The following GABRB1 variants were observed in gnomAD, a reference collection of about 807,000 sequenced individuals.
GABRB1 encodes the protein gamma-aminobutyric acid receptor subunit beta-1.
GABRB1 carries 17 observed loss-of-function variants against 51.6 expected under a neutral mutation model. That is an observed-to-expected ratio of 0.33 (90% CI 0.23 to 0.49). The LOEUF is 0.49. Ranked by LOEUF, GABRB1 falls within the 20% of genes least tolerant of loss-of-function variation. The pLI, the probability that GABRB1 is intolerant of heterozygous loss-of-function variation, is 0.99. For synonymous variants in GABRB1, 247 were observed against 218.9 expected (o/e 1.13, Z -1.14); for missense variants, 410 against 600.6 (o/e 0.68, Z 3.32).
chr4:47,074,878 G>C (rs1020028071), intron 3 of GABRB1, among the ~76,000 whole-genome samples: 17 of 152,142 alleles, frequency 1.1e-4, no homozygotes, highest in Non-Finnish European at 1.5e-5. Flanking sequence ...TGGCAGATGG[G>C]GTACTAGGCA....
intron 4 of GABRB1, among the ~76,000 whole-genome samples, chr4:47,222,036 G>A (rs572619818): frequency 1.3e-5 from 2 of 152,018 alleles, no homozygotes; most frequent in Middle Eastern, 3.2e-3. Context: ...AATTACGAAT[G>A]ATAATGCAAA....
intron 5 of GABRB1, among the ~76,000 whole-genome samples, chr4:47,377,113 G>A (rs144492341): frequency 6.6e-6 from 1 of 152,280 alleles, no homozygotes; most frequent in African/African-American, 2.4e-5. Flanking sequence ...GAACATAGTA[G>A]ATACGCAGTG....
chr4:47,105,588 C>T (rs919442347), intron 3 of GABRB1, among the ~76,000 whole-genome samples: 1 of 152,094 alleles, frequency 6.6e-6, no homozygotes, highest in Non-Finnish European at 1.5e-5. Context: ...TTTCTTTTCC[C>T]TTTCTCCTGC....
intron 4 of GABRB1, among the ~76,000 whole-genome samples, chr4:47,266,251 C>T (rs986461900): frequency 6.6e-6 from 1 of 152,042 alleles, no homozygotes; most frequent in Non-Finnish European, 1.5e-5. Flanking sequence ...GGTTGTAGCT[C>T]TGTAGCATTA....
chr4:47,176,578 A>G (rs1229754695), intron 4 of GABRB1, among the ~76,000 whole-genome samples: 3 of 152,106 alleles, frequency 2.0e-5, no homozygotes, highest in Non-Finnish European at 2.9e-5. Flanking sequence ...CAGTTGCAGA[A>G]GTTTGAGGTC....
intron 3 of GABRB1, among the ~76,000 whole-genome samples, chr4:47,038,210 CTGAG>C (rs1725682129): frequency 6.6e-6 from 1 of 152,184 alleles, no homozygotes; most frequent in Non-Finnish European, 1.5e-5. Context: ...TGAGTTCCCA[CTGAG>C]TGCAAATGAT....
At chr4:47,382,663 C>T (rs1239867247) in intron 5 of GABRB1, among the ~76,000 whole-genome samples, 1 of 152,146 alleles carries the variant, frequency 6.6e-6, no homozygotes, top group Non-Finnish European at 1.5e-5. Context: ...AAAGTATCAT[C>T]ACTGCTTTTC....
chr4:47,022,816 T>A (rs915897240), intron 1 of GABRB1, among the ~76,000 whole-genome samples: 3 of 152,094 alleles, frequency 2.0e-5, no homozygotes, highest in Non-Finnish European at 4.4e-5. Flanking sequence ...GCAATCCCAT[T>A]GCTAGGTATT....
chr4:47,063,005 A>G (rs955036822), intron 3 of GABRB1, among the ~76,000 whole-genome samples: 8 of 152,186 alleles, frequency 5.3e-5, no homozygotes, highest in African/African-American at 1.9e-4. Context: ...GGATGTTTCT[A>G]AATGCCTTTT....
chr4:47,108,375 CTG>C (rs1163622647), intron 3 of GABRB1, among the ~76,000 whole-genome samples: 16 of 152,006 alleles, frequency 1.1e-4, no homozygotes, highest in African/African-American at 3.9e-4. Flanking sequence ...CCGGAGTATT[CTG>C]TGTTTTGTGC....
chr4:47,055,088 T>C (rs772969159), intron 3 of GABRB1, among the ~76,000 whole-genome samples: 7 of 152,236 alleles, frequency 4.6e-5, no homozygotes, highest in Non-Finnish European at 8.8e-5. Flanking sequence ...GATGATCTCA[T>C]ATATATTCAG....
At chr4:47,108,349 A>G (rs998516334) in intron 3 of GABRB1, among the ~76,000 whole-genome samples, 1 of 152,054 alleles carries the variant, frequency 6.6e-6, no homozygotes, top group African/African-American at 2.4e-5. Flanking sequence ...AAAGAGAGAA[A>G]ACTTTGACAA....
At chr4:47,072,981 C>A (rs1727401470) in intron 3 of GABRB1, among the ~76,000 whole-genome samples, 1 of 152,124 alleles carries the variant, frequency 6.6e-6, no homozygotes, top group South Asian at 2.1e-4. Flanking sequence ...TAGTTCATTT[C>A]TTTAATTTAG....
chr4:47,001,890 T>A (rs1375186343), intron 1 of GABRB1, among the ~76,000 whole-genome samples: 3 of 152,266 alleles, frequency 2.0e-5, no homozygotes, highest in Non-Finnish European at 4.4e-5. Flanking sequence ...TTTTCTCACC[T>A]TTCAAATGCC....
chr4:47,323,262 A>G (rs1039273484), intron 5 of GABRB1, among the ~76,000 whole-genome samples: 2 of 152,198 alleles, frequency 1.3e-5, no homozygotes, highest in Non-Finnish European at 1.5e-5. Context: ...TGATGACAGC[A>G]TAATTTAACT....
At chr4:46,998,265 T>A (rs1577810171) in intron 1 of GABRB1, among the ~76,000 whole-genome samples, 2 of 152,332 alleles carry the variant, frequency 1.3e-5, no homozygotes, top group East Asian at 3.9e-4. Flanking sequence ...TATTATAGTA[T>A]GTATTTTAGA....
chr4:47,365,793 G>C (rs896206808), intron 5 of GABRB1, among the ~76,000 whole-genome samples: 2 of 152,128 alleles, frequency 1.3e-5, no homozygotes, highest in Admixed American at 6.5e-5. Context: ...GCCTTCTCCT[G>C]AGCTACACCC....
chr4:47,300,834 A>G (rs1288679459), intron 4 of GABRB1, among the ~76,000 whole-genome samples: 1 of 152,198 alleles, frequency 6.6e-6, no homozygotes, highest in Non-Finnish European at 1.5e-5. Flanking sequence ...AAGATTCTTA[A>G]TTGATTTAAG....
intron 5 of GABRB1, among the ~76,000 whole-genome samples, chr4:47,358,168 C>T (rs1037922768): frequency 6.6e-6 from 1 of 152,048 alleles, no homozygotes; most frequent in African/African-American, 2.4e-5. Flanking sequence ...TTCACTTAGC[C>T]AGTAAACTAG....
Sources: gnomAD v4.1 joint callset for allele counts (sites outside exome capture counted in the v4.1 genomes callset) on GRCh38, gnomAD v4.1.1 for gene constraint, MANE v1.5 for transcripts, NCBI Gene and HGNC (gene_info 2026-07-23, HGNC 2026-07-21) for gene names.